The following LONRF1 variants were observed in gnomAD, a reference collection of about 807,000 sequenced individuals.
LONRF1 encodes LON peptidase N-terminal domain and ring finger 1.
A neutral mutation model predicts 85.8 loss-of-function variants in LONRF1; 37 were observed. That is an observed-to-expected ratio of 0.43 (90% CI 0.33 to 0.57). LONRF1 has a LOEUF of 0.57. Ranked by LOEUF, LONRF1 falls within the 20% of genes least tolerant of loss-of-function variation. LONRF1 has a pLI of 0.04. For missense variants in LONRF1, 1,036 were observed against 978.0 expected, an observed-to-expected ratio of 1.06 and a Z score of -0.79; for synonymous variants, 517 against 390.1, an observed-to-expected ratio of 1.33 and a Z score of -3.83.
At chr8:12,752,656 A>C (rs1173189403) in intron 1 of LONRF1, among the ~76,000 whole-genome samples, 1 of 152,258 alleles carries the variant, frequency 6.6e-6, no homozygotes, top group Non-Finnish European at 1.5e-5. Flanking sequence ...TTCCTGTTAA[A>C]CATAATATCC....
intron 8 of LONRF1, among the ~76,000 whole-genome samples, chr8:12,730,662 T>C (rs1798493587): frequency 6.6e-6 from 1 of 152,228 alleles, no homozygotes; most frequent in South Asian, 2.1e-4. Flanking sequence ...TAAATCTAGA[T>C]GCTTCAGCAC....
rs546637931 is a variant in LONRF1, at chr8:12,743,013, A to G, written c.840+151T>C. On this transcript the variant is annotated intron_variant, in intron 2 of 11. Coordinates refer to ENST00000398246, the MANE Select transcript of LONRF1 (RefSeq NM_152271.5). ...ATTGCTAGGATTATGGAAATGAGCC[A>G]TTGCACCTAGGTGAACCTATATTTC... 86 of 621,038 alleles carry G rather than the reference A, an allele frequency of 1.4e-4. No homozygotes were observed. The African/African-American group carries it at 1.6e-3, about 12-fold the overall frequency. 38.5% of individuals were successfully genotyped at this position (621,038 alleles called of 1,614,324 possible).
rs1231648830 is a variant in LONRF1, at chr8:12,754,965, G to A, written c.456C>T (p.Arg152=). Reference sequence around the variant, plus strand: ...GGTCCCGGCAGAGGCGGCAGCGGGCGCGGAGTTCCCTCCGCAGGCAGCGGC... The same window carrying A: ...GGTCCCGGCAGAGGCGGCAGCGGGCACGGAGTTCCCTCCGCAGGCAGCGGC... ...YCRRCLRREL[R]ARCRLCRDRL... Residue 152 remains arginine (R), a synonymous_variant, in exon 1 of 12, where the codon CGC becomes CGT. Transcript: ENST00000398246. The A allele has an allele frequency of 1.3e-6, 2 of 1,490,890 alleles. No homozygotes were observed. The highest frequency in any genetic ancestry group is 2.9e-5 in the African/African-American group (2 of 68,582). The allele number at this position is 1,490,890 out of a possible 1,614,324, so 92.4% of individuals were successfully genotyped here. A position where few individuals can be genotyped will look rare whatever the true frequency, so the allele number is the denominator to read the frequency against.
chr8:12,743,062 G>C, intron 2 of LONRF1, 102 bp downstream of exon 2: 5 of 752,020 alleles, frequency 6.6e-6, no homozygotes, highest in South Asian at 3.0e-5. Flanking sequence ...ATTTTATTTG[G>C]AGTCAACCAT....
rs1165853409 is a variant in LONRF1, at chr8:12,722,960, G to A, written c.*136C>T. 6.4e-6 allele frequency: 5 copies of A among 783,518 alleles called. No homozygotes were observed. The highest frequency in any genetic ancestry group is 1.0e-5 in the Non-Finnish European group (5 of 498,572). 48.5% of individuals were successfully genotyped at this position (783,518 alleles called of 1,614,324 possible). A position where few individuals can be genotyped will look rare whatever the true frequency, so the allele number is the denominator to read the frequency against. ...AAGGTATTCATTTGCAGAACCACATGATTCAGGAGGTCGAAGGAAAAAGAA... is the reference window on the plus strand; with the variant it reads ...AAGGTATTCATTTGCAGAACCACATAATTCAGGAGGTCGAAGGAAAAAGAA... On this transcript the variant is annotated 3_prime_UTR_variant, in exon 12 of 12. Coordinates refer to ENST00000398246, the MANE Select transcript of LONRF1 (RefSeq NM_152271.5).
chr8:12,738,729 G>A (rs142788084), intron 3 of LONRF1: 1 of 152,180 alleles, frequency 6.6e-6, no homozygotes, highest in Non-Finnish European at 1.5e-5. Context: ...GACAGCTGGA[G>A]AATCAAATTT....
Position 12,754,755 on chromosome 8 carries a change from C to G in LONRF1, c.666G>C (p.Leu222=), listed in dbSNP as rs769602855. Reference sequence around the variant, plus strand: ...GGGCCTCCCGGTAGCGCCCCTGGTGCAGTAGCTCCCCGAGCCTGCCGGCCG... The same window carrying G: ...GGGCCTCCCGGTAGCGCCCCTGGTGGAGTAGCTCCCCGAGCCTGCCGGCCG... ...ARAAGRLGEL[L]HQGRYREALA... Residue 222 remains leucine (L), a synonymous_variant, in exon 1 of 12, where the codon CTG becomes CTC. Transcript: ENST00000398246. 2.5e-5 allele frequency: 37 copies of G among 1,459,048 alleles called. No homozygotes were observed. The African/African-American group carries it at 4.8e-4, about 19-fold the overall frequency. 90.4% of individuals were successfully genotyped at this position (1,459,048 alleles called of 1,614,324 possible).
chr8:12,729,864 T>A (rs1314969870), intron 8 of LONRF1, among the ~76,000 whole-genome samples: 1 of 152,156 alleles, frequency 6.6e-6, no homozygotes, highest in African/African-American at 2.4e-5. Context: ...TGATATAACA[T>A]TTTTCATTGC....
chr8:12,729,483 G>C (rs549379085), intron 8 of LONRF1, 151 bp from the exon 9 acceptor site: 14 of 717,540 alleles, frequency 2.0e-5, no homozygotes, highest in Middle Eastern at 4.0e-4. Flanking sequence ...TTCTTGGCAA[G>C]AACAAGAATC....
intron 1 of LONRF1, among the ~76,000 whole-genome samples, chr8:12,746,842 C>T (rs1314159408): frequency 6.6e-6 from 1 of 152,114 alleles, no homozygotes; most frequent in African/African-American, 2.4e-5. Flanking sequence ...TACCTCCATG[C>T]TATTAATATG....
chr8:12,737,251 T>C (rs766916561), intron 4 of LONRF1, 111 bp from the exon 5 acceptor site: 17 of 1,286,422 alleles, frequency 1.3e-5, no homozygotes, highest in Non-Finnish European at 1.8e-5. Flanking sequence ...CTCATTTTAA[T>C]GTTCATTTAA....
chr8:12,722,178 TCTC>T lies in LONRF1; in HGVS notation c.*915_*917del. 6.6e-6 allele frequency: 1 copy of T among 152,528 alleles called. No homozygotes were observed. The highest frequency in any genetic ancestry group is 1.5e-5 in the Non-Finnish European group (1 of 68,030). 9.4% of individuals were successfully genotyped at this position (152,528 alleles called of 1,614,324 possible). A position where few individuals can be genotyped will look rare whatever the true frequency, so the allele number is the denominator to read the frequency against. ...AAGCTTAGTTCTATATTAAACTTCT[TCTC>T]TTTTCCCAGATCCTTAATGGGTTTA... On this transcript the variant is annotated 3_prime_UTR_variant, in exon 12 of 12. Transcript: ENST00000398246.
chr8:12,755,252 G>A lies in LONRF1; in HGVS notation c.169C>T (p.Leu57=). Residue 57 remains leucine (L), a synonymous_variant, in exon 1 of 12, where the codon CTG becomes TTG. Coordinates refer to ENST00000398246, the MANE Select transcript of LONRF1 (RefSeq NM_152271.5). ...TTCAGGTGGCCGCCCAGCGCCAGCA[G>A]CTCCCCGCGGCGGAGCAGCAGCTCC... ...RWELLLRRGE[L]LALGGHLKGA... is the part of the protein sequence containing the mutation. The A allele has an allele frequency of 6.5e-6, 8 of 1,233,706 alleles. No homozygotes were observed. The highest frequency in any genetic ancestry group is 8.1e-6 in the Non-Finnish European group (8 of 990,672). The allele number at this position is 1,233,706 out of a possible 1,614,324, so 76.4% of individuals were successfully genotyped here. A position where few individuals can be genotyped will look rare whatever the true frequency, so the allele number is the denominator to read the frequency against.
At chr8:12,745,147 A>G (rs144957240) in intron 1 of LONRF1, among the ~76,000 whole-genome samples, 79 of 152,268 alleles carry the variant, frequency 5.2e-4, no homozygotes, top group African/African-American at 1.8e-3. Context: ...GGATATTGAG[A>G]TCTCCCTAAA....
At chr8:12,734,563 CTCA>C (rs979745420) in intron 7 of LONRF1, among the ~76,000 whole-genome samples, 2 of 152,160 alleles carry the variant, frequency 1.3e-5, no homozygotes, top group African/African-American at 4.8e-5. Context: ...GTGCTCTCTT[CTCA>C]TCAATTAGAG....
chr8:12,752,408 T>C (rs966309552), intron 1 of LONRF1, among the ~76,000 whole-genome samples: 3 of 152,166 alleles, frequency 2.0e-5, no homozygotes, highest in African/African-American at 4.8e-5. Flanking sequence ...TTAGTTCACA[T>C]TAAGAATTCA....
intron 1 of LONRF1, among the ~76,000 whole-genome samples, chr8:12,748,807 A>ATTTT (rs58300554): frequency 0.5 from 73,111 of 146,100 alleles, 19,400 homozygotes; most frequent in East Asian, 0.6. Flanking sequence ...CAGAATATCA[A>ATTTT]TTTTTTTTTT....
chr8:12,748,352 C>T (rs1379438109), intron 1 of LONRF1, among the ~76,000 whole-genome samples: 1 of 151,812 alleles, frequency 6.6e-6, no homozygotes, highest in Non-Finnish European at 1.5e-5. Context: ...CATGCCTCCA[C>T]ACCTGGCTAA....
intron 7 of LONRF1, 31 bp downstream of exon 7, chr8:12,735,255 C>T: frequency 6.9e-7 from 1 of 1,447,968 alleles, no homozygotes; most frequent in East Asian, 2.4e-5. Flanking sequence ...AAACTTAAGA[C>T]CAACAAACAG....
Sources: gnomAD v4.1 joint callset for allele counts (sites outside exome capture counted in the v4.1 genomes callset) on GRCh38, gnomAD v4.1.1 for gene constraint, MANE v1.5 for transcripts, NCBI Gene and HGNC (gene_info 2026-07-23, HGNC 2026-07-21) for gene names.